RIBC1: variants seen among roughly 807,000 people sequenced by gnomAD.
RIBC1 encodes RIB43A domain with coiled-coils 1, also known as RIB43A-like with coiled-coils protein 1.
RIBC1 carries 12 observed loss-of-function variants against 33.7 expected under a neutral mutation model. That is an observed-to-expected ratio of 0.36 (90% CI 0.23 to 0.58). RIBC1 has a LOEUF of 0.58. RIBC1 is among the 20% of genes least tolerant of loss of function. The pLI is 0.81. For synonymous variants in RIBC1, 89 were observed against 109.0 expected (o/e 0.82, Z 1.14); for missense variants, 242 against 311.6 (o/e 0.78, Z 1.68).
In RIBC1 at chrX:53,428,343, G is replaced by A. The variant is rs782751228; in HGVS notation, c.260G>A (p.Arg87Gln). 9 of 1,210,349 alleles carry A rather than the reference G, an allele frequency of 7.4e-6. No homozygotes were observed. The highest frequency in any genetic ancestry group is 6.6e-5 in the Admixed American group (3 of 45,779). The part of the protein sequence containing the change: ...VQMLEKEEAD[R>Q]TRQLAKKVQE... The stretch of plus-strand genomic sequence containing the variant: ...ATGTTAGAGAAGGAAGAGGCAGATC[G>A]AACACGTCAGCTGGCCAAGAAAGTC... The change falls in exon 5 of 8, where the codon CGA becomes CAA. Residue 87 changes from arginine (R) to glutamine (Q), a missense_variant. Arg to Gln is a conservative substitution (Grantham distance 43). Coordinates refer to ENST00000375327, the MANE Select transcript of RIBC1 (RefSeq NM_001031745.5).
Position 53,430,607 on chromosome X carries a change from A to C in RIBC1, c.875A>C (p.Gln292Pro), listed in dbSNP as rs781790459. The change falls in exon 7 of 8, where the codon CAA becomes CCA. Residue 292 changes from glutamine to proline, a missense_variant. Transcript: ENST00000375327. ...QAAIRKEQEV[Q>P]RSKKQAHRQA... ...GCCATCAGGAAAGAGCAGGAAGTAC[A>C]ACGCTCTAAGAAGCAAGCACACCGT... 9 of 1,203,997 alleles carry C rather than the reference A, an allele frequency of 7.5e-6. No individual in the cohort carries two copies. The highest frequency in any genetic ancestry group is 7.9e-6 in the Non-Finnish European group (7 of 891,688).
At position 53,425,892 on chromosome X, in the gene RIBC1, C is replaced by T. The variant is rs782316771; in HGVS notation, c.1-385C>T. Reference sequence around the variant, plus strand: ...ATCATGAAGAACCTTATAAATCTGGCAAAGGGGGTTGGGCCTTATAAGCAC... The same window carrying T: ...ATCATGAAGAACCTTATAAATCTGGTAAAGGGGGTTGGGCCTTATAAGCAC... On this transcript the variant is annotated intron_variant, in intron 2 of 7. Transcript: ENST00000375327. Among the ~76,000 whole-genome samples, 9 of 112,285 alleles carry T rather than the reference C, an allele frequency of 8.0e-5. No individual in the cohort carries two copies. In the South Asian group the frequency reaches 3.3e-3, roughly 41 times the overall value.
chrX:53,425,333 G>A (rs2075785025), intron 2 of RIBC1, among the ~76,000 whole-genome samples: 1 of 109,829 alleles, frequency 9.1e-6, no homozygotes, highest in African/African-American at 3.3e-5. Flanking sequence ...TCTAAGTATA[G>A]TGGGAAGCTA....
intron 2 of RIBC1, among the ~76,000 whole-genome samples, chrX:53,424,136 T>C (rs782732208): frequency 1.8e-5 from 2 of 110,720 alleles, no homozygotes; most frequent in African/African-American, 3.3e-5. Context: ...TAAATGAAGT[T>C]CAGCTGGGAG....
chrX:53,429,420 CA>C, intron 5 of RIBC1: 1 of 121,406 alleles, frequency 8.2e-6, no homozygotes, highest in Non-Finnish European at 1.7e-5. Flanking sequence ...TTCCACCATC[CA>C]AAACCCTCTT....
chrX:53,424,229 G>A (rs974146568), intron 2 of RIBC1, among the ~76,000 whole-genome samples: 1 of 110,692 alleles, frequency 9.0e-6, no homozygotes. Flanking sequence ...CCTTTTAAAA[G>A]ATGAGATGGT....
chrX:53,426,195 T>C, intron 2 of RIBC1, 82 bp from the exon 3 acceptor site: 2 of 602,936 alleles, frequency 3.3e-6, no homozygotes, highest in Non-Finnish European at 5.6e-6. Flanking sequence ...TGAAATATTA[T>C]AGGGAGAAAG....
chrX:53,426,789 C>T lies in RIBC1; in HGVS notation c.117+396C>T, dbSNP rs1602422602. On this transcript the variant is annotated intron_variant, in intron 3 of 7. Transcript: ENST00000375327. ...TCACACAAGGTCAGGAGTTAAAGAC[C>T]AGCCTGGCCAACGTGGTGAAACCCT... Among the ~76,000 whole-genome samples the T allele has an allele frequency of 2.7e-5, 3 of 112,104 alleles. No individual in the cohort carries two copies. The South Asian group carries it at 1.1e-3, about 41-fold the overall frequency.
At chrX:53,423,625 T>C (rs1951914461) in intron 2 of RIBC1, among the ~76,000 whole-genome samples, 1 of 112,488 alleles carries the variant, frequency 8.9e-6, no homozygotes, top group Non-Finnish European at 1.9e-5. Context: ...AGTGACCTTA[T>C]ACTGTAATGG....
intron 2 of RIBC1, among the ~76,000 whole-genome samples, chrX:53,425,515 T>TAAAAAAAAAAAAAAAAAAAAAAAAAA (rs782760749): frequency 3.9e-5 from 1 of 25,861 alleles, no homozygotes; most frequent in Admixed American, 5.1e-4. Flanking sequence ...GTAATAAAAG[T>TAAAAAAAAAAAAAAAAAAAAAAAAAA]AAAAAAAAAA....
intron 5 of RIBC1, chrX:53,429,075 C>T (rs2075807291): frequency 7.4e-6 from 1 of 135,440 alleles, no homozygotes; most frequent in African/African-American, 3.1e-5. Context: ...GCACTGTTCA[C>T]CCTTCACATC....
chrX:53,428,790 C>T (rs1032929288), intron 5 of RIBC1, 163 bp downstream of exon 5: 4 of 1,095,311 alleles, frequency 3.7e-6, no homozygotes, highest in Non-Finnish European at 4.8e-6. Flanking sequence ...TCCCTGACTT[C>T]CTTCAGTAAC....
Position 53,430,651 on chromosome X carries a change from G to A in RIBC1, c.919G>A (p.Asp307Asn), listed in dbSNP as rs782316929. The A allele has an allele frequency of 3.3e-6, 4 of 1,204,708 alleles. No individual in the cohort carries two copies. In the African/African-American group the frequency reaches 7.0e-5, roughly 21 times the overall value. ...QAHRQAEKTL[D>N]TEWKSQTMSS... is the part of the protein sequence containing the mutation. ...ACACCGTCAGGCTGAGAAAACACTGGATACTGAATGGAAAAGCCAGACCAT... is the reference window on the plus strand; with the variant it reads ...ACACCGTCAGGCTGAGAAAACACTGAATACTGAATGGAAAAGCCAGACCAT... The change falls in exon 7 of 8, where the codon GAT (aspartate) becomes AAT (asparagine). Residue 307 changes from aspartate to asparagine, a missense_variant. By Grantham distance (23) the Asp-to-Asn change is conservative. Coordinates refer to ENST00000375327, the MANE Select transcript of RIBC1 (RefSeq NM_001031745.5).
At chrX:53,429,660 C>A in intron 5 of RIBC1, 194 bp from the exon 6 acceptor site, 1 of 1,019,097 alleles carries the variant, frequency 9.8e-7, no homozygotes. Context: ...CCATTGGAGG[C>A]ATCTTTTAGT....
Position 53,428,406 on chromosome X carries a change from G to A in RIBC1, c.323G>A (p.Gly108Glu), listed in dbSNP as rs782579567. ...FREQKQQLKN[G>E]REFSLWDPGQ... ...GAGCAGAAGCAGCAGCTCAAGAACG[G>A]GCGTGAATTTAGTCTTTGGGATCCA... Residue 108 changes from glycine to glutamate, a missense_variant, in exon 5 of 8, where the codon GGG becomes GAG. Gly to Glu is a moderately conservative substitution (Grantham distance 98, BLOSUM62 -2). Coordinates refer to ENST00000375327, the MANE Select transcript of RIBC1 (RefSeq NM_001031745.5). 3.7e-5 allele frequency: 45 copies of A among 1,209,537 alleles called. No homozygotes were observed. Among genetic ancestry groups the A allele is most frequent in the African/African-American group, 7.0e-5 (4 of 57,105 alleles).
chrX:53,423,762 G>C (rs1556892687), intron 2 of RIBC1, among the ~76,000 whole-genome samples: 1 of 111,831 alleles, frequency 8.9e-6, no homozygotes, highest in Non-Finnish European at 1.9e-5. Context: ...GAGTCCTAAA[G>C]ACTTAGGACA....
chrX:53,429,716 T>C (rs1226272647), intron 5 of RIBC1, 138 bp from the exon 6 acceptor site: 4 of 1,060,495 alleles, frequency 3.8e-6, no homozygotes. Context: ...TCCTTCCACA[T>C]CCCTACAACT....
chrX:53,429,565 C>A, intron 5 of RIBC1: 1 of 494,812 alleles, frequency 2.0e-6, no homozygotes, highest in Non-Finnish European at 2.9e-6. Flanking sequence ...AGCACATGGC[C>A]CTTAGACTGA....
At chrX:53,429,598 T>C in intron 5 of RIBC1, 1 of 779,553 alleles carries the variant, frequency 1.3e-6, no homozygotes, top group Non-Finnish European at 1.7e-6. Flanking sequence ...TGAAATGATT[T>C]ACCCAAAATC....
Sources: gnomAD v4.1 joint callset for allele counts (sites outside exome capture counted in the v4.1 genomes callset) on GRCh38, gnomAD v4.1.1 for gene constraint, MANE v1.5 for transcripts, NCBI Gene and HGNC (gene_info 2026-07-23, HGNC 2026-07-21) for gene names.